MACROD2: variants seen among roughly 807,000 people sequenced by gnomAD.
MACROD2 encodes the protein mono-ADP ribosylhydrolase 2, also known as ADP-ribose glycohydrolase MACROD2.
MACROD2 carries 36 observed loss-of-function variants against 70.4 expected under a neutral mutation model. That is an observed-to-expected ratio of 0.51 (90% CI 0.39 to 0.68). The LOEUF (loss-of-function observed/expected upper bound fraction) is 0.68. MACROD2 is among the 30% of genes least tolerant of loss of function. The probability of loss-of-function intolerance (pLI) is 0.00; values close to 1 mark genes in which losing one functional copy is unlikely to be tolerated. For synonymous variants in MACROD2, 172 were observed against 178.8 expected (o/e 0.96, Z 0.30); for missense variants, 496 against 538.4 (o/e 0.92, Z 0.78).
intron 4 of MACROD2, among the ~76,000 whole-genome samples, chr20:14,579,127 C>CTTTTTTTT (rs71190141): frequency 5.4e-5 from 4 of 74,358 alleles, no homozygotes; most frequent in Non-Finnish European, 6.9e-5. Flanking sequence ...GTATCCAATT[C>CTTTTTTTT]TTTTTTTTTT....
chr20:16,042,632 G>A (rs2067322599), intron 16 of MACROD2, among the ~76,000 whole-genome samples: 1 of 152,022 alleles, frequency 6.6e-6, no homozygotes, highest in East Asian at 1.9e-4. Flanking sequence ...GTTGGAAGAA[G>A]AAACAGAAAA....
intron 5 of MACROD2, among the ~76,000 whole-genome samples, chr20:15,197,955 G>T (rs1326055722): frequency 1.7e-5 from 2 of 115,090 alleles, no homozygotes; most frequent in East Asian, 5.7e-4. Context: ...CCTTGGCCTG[G>T]CCTCCTTTTT....
rs16994950 is a variant in MACROD2, at chr20:14,775,090, A to G, written c.418+90131A>G. The stretch of plus-strand genomic sequence containing the variant: ...TTTTATGATAAAGCATGCTAAATAA[A>G]TTGTTTATATTTGTGTTTGTGTGTA... On this transcript the variant is annotated intron_variant, in intron 5 of 17. Transcript: ENST00000684519. 6.9e-3 allele frequency among the ~76,000 whole-genome samples: 1,044 copies of G among 152,150 alleles called. 51 individuals are homozygous for G. In the East Asian group the frequency reaches 0.11, roughly 16 times the overall value.
At chr20:14,373,004 A>T (rs1035244158) in intron 3 of MACROD2, among the ~76,000 whole-genome samples, 1 of 152,120 alleles carries the variant, frequency 6.6e-6, no homozygotes, top group African/African-American at 2.4e-5. Flanking sequence ...TTTCTTTTGT[A>T]AGTCTTCAAA....
At position 14,750,836 on chromosome 20, in the gene MACROD2, A is replaced by G. The variant is rs980785701; in HGVS notation, c.418+65877A>G. ...AAAACTGGTTATATTATCTTTATAA[A>G]ATATGTTTTATAAATCACTAACAAA... is the stretch of plus-strand genomic sequence containing the variant. On this transcript the variant is annotated intron_variant, in intron 5 of 17. Transcript: ENST00000684519. 1.7e-4 allele frequency among the ~76,000 whole-genome samples: 26 copies of G among 152,044 alleles called. 1 individual carries two copies. The highest frequency in any genetic ancestry group is 3.8e-4 in the Non-Finnish European group (26 of 68,024).
chr20:15,551,189 A>G (rs1447362382), intron 8 of MACROD2, among the ~76,000 whole-genome samples: 2 of 151,956 alleles, frequency 1.3e-5, no homozygotes, highest in African/African-American at 2.4e-5. Context: ...CCTAAGCCTT[A>G]CCCCTTTGCT....
At chr20:14,431,234 T>G (rs2122928699) in intron 3 of MACROD2, among the ~76,000 whole-genome samples, 1 of 152,224 alleles carries the variant, frequency 6.6e-6, no homozygotes, top group South Asian at 2.1e-4. Context: ...CAGGTCCTTA[T>G]TGTGTATGCA....
chr20:15,316,596 A>G (rs1454050583), intron 6 of MACROD2, among the ~76,000 whole-genome samples: 2 of 152,132 alleles, frequency 1.3e-5, no homozygotes, highest in Admixed American at 6.5e-5. Context: ...TACAGTAACT[A>G]TTAGAGATTT....
At chr20:14,121,157 G>C (rs1409218035) in intron 3 of MACROD2, among the ~76,000 whole-genome samples, 4 of 152,254 alleles carry the variant, frequency 2.6e-5, no homozygotes, top group African/African-American at 9.6e-5. Flanking sequence ...GAAAACTCTA[G>C]TAACGATTCT....
chr20:14,810,521 A>T (rs6131612), intron 5 of MACROD2, among the ~76,000 whole-genome samples: 1 of 152,260 alleles, frequency 6.6e-6, no homozygotes, highest in East Asian at 1.9e-4. Flanking sequence ...TCCCTTCGAA[A>T]ACTGGCACAA....
At chr20:14,762,240 G>A (rs16994918) in intron 5 of MACROD2, among the ~76,000 whole-genome samples, 3,347 of 152,084 alleles carry the variant, frequency 0.022, 145 homozygotes, top group African/African-American at 0.076. Flanking sequence ...CACTTATTCC[G>A]TCATGTAGCA....
At chr20:14,917,001 A>G (rs760232544) in intron 5 of MACROD2, among the ~76,000 whole-genome samples, 1 of 152,000 alleles carries the variant, frequency 6.6e-6, no homozygotes, top group African/African-American at 2.4e-5. Flanking sequence ...TGTGGCACAT[A>G]CTACATGCCA....
chr20:14,088,360 A>G (rs377731984), intron 3 of MACROD2, among the ~76,000 whole-genome samples: 16 of 151,096 alleles, frequency 1.1e-4, no homozygotes, highest in African/African-American at 3.4e-4. Context: ...TAAAGCTCAT[A>G]TGTTTATAGA....
chr20:15,992,651 C>G (rs2066573730), intron 15 of MACROD2, among the ~76,000 whole-genome samples: 1 of 152,184 alleles, frequency 6.6e-6, no homozygotes, highest in South Asian at 2.1e-4. Flanking sequence ...CTGTATCGCC[C>G]TTTGTCTTCT....
At chr20:15,764,959 A>G (rs2051498425) in intron 8 of MACROD2, among the ~76,000 whole-genome samples, 1 of 152,026 alleles carries the variant, frequency 6.6e-6, no homozygotes, top group Admixed American at 6.6e-5. Flanking sequence ...CAAATGTCCC[A>G]TGCTTGTGTC....
chr20:14,886,341 G>A (rs562858716), intron 5 of MACROD2, among the ~76,000 whole-genome samples: 1 of 152,306 alleles, frequency 6.6e-6, no homozygotes, highest in Admixed American at 6.5e-5. Context: ...GAGGAAAGCA[G>A]AAGAAGAGAA....
At chr20:14,423,119 G>T (rs952566659) in intron 3 of MACROD2, among the ~76,000 whole-genome samples, 2 of 152,192 alleles carry the variant, frequency 1.3e-5, no homozygotes, top group Non-Finnish European at 2.9e-5. Flanking sequence ...GTTCTGCTGT[G>T]TTTGCTTTGA....
intron 6 of MACROD2, among the ~76,000 whole-genome samples, chr20:15,269,238 G>A (rs2077324152): frequency 6.6e-6 from 1 of 152,214 alleles, no homozygotes; most frequent in Non-Finnish European, 1.5e-5. Context: ...CCTTCCTCAT[G>A]CAGATGATAT....
At position 15,131,222 on chromosome 20, in the gene MACROD2, T is replaced by G. The variant is rs894170500; in HGVS notation, c.419-98718T>G. Among the ~76,000 whole-genome samples, 4 of 152,072 alleles carry G rather than the reference T, an allele frequency of 2.6e-5. No homozygotes were observed. The East Asian group carries it at 5.8e-4, about 22-fold the overall frequency. ...TAACAGGCAAATTAAGAAAATAAAA[T>G]GTAGGGAATCAATGAAGAACTAAAT... On this transcript the variant is annotated intron_variant, in intron 5 of 17. Coordinates refer to ENST00000684519, the MANE Select transcript of MACROD2 (RefSeq NM_001351661.2).
Sources: gnomAD v4.1 joint callset for allele counts (sites outside exome capture counted in the v4.1 genomes callset) on GRCh38, gnomAD v4.1.1 for gene constraint, MANE v1.5 for transcripts, NCBI Gene and HGNC (gene_info 2026-07-23, HGNC 2026-07-21) for gene names.